The following SLCO5A1 variants were observed in gnomAD, a reference collection of about 807,000 sequenced individuals.
SLCO5A1 encodes the protein organic anion transporter polypeptide-related protein 4.
In SLCO5A1, 39 loss-of-function variants were observed where a neutral mutation model predicts 65.1. That is an observed-to-expected ratio of 0.60 (90% CI 0.46 to 0.78). SLCO5A1 has a LOEUF of 0.78. SLCO5A1 is among the 30% of genes least tolerant of loss of function. SLCO5A1 has a pLI of 0.00. For synonymous variants in SLCO5A1, 438 were observed against 415.7 expected (o/e 1.05, Z -0.65); for missense variants, 1,029 against 1,069.4 (o/e 0.96, Z 0.53).
At position 69,775,707 on chromosome 8, in the gene SLCO5A1, A is replaced by C. The variant is rs115876367; in HGVS notation, c.908-13832T>G. Among the ~76,000 whole-genome samples, 765 of 152,312 alleles carry C rather than the reference A, an allele frequency of 5.0e-3. 6 individuals are homozygous for C. The highest frequency in any genetic ancestry group is 0.018 in the African/African-American group (735 of 41,572). On this transcript the variant is annotated intron_variant, in intron 2 of 9. Coordinates refer to ENST00000260126, the MANE Select transcript of SLCO5A1 (RefSeq NM_030958.3). The stretch of plus-strand genomic sequence containing the variant: ...AACTCATGAAAAACTTTAACCTCAC[A>C]AGTTATCAAAGAAATAGAAGCTGCA...
chr8:69,697,006 A>T (rs1159907773), intron 6 of SLCO5A1, among the ~76,000 whole-genome samples: 1 of 152,216 alleles, frequency 6.6e-6, no homozygotes, highest in Non-Finnish European at 1.5e-5. Flanking sequence ...CACACAGGCA[A>T]CCAGTCCATA....
In SLCO5A1 at chr8:69,755,532, A is replaced by ATT. The variant is rs1185717189; in HGVS notation, c.1148_1149dup (p.Phe384AsnfsTer13). On this transcript the variant is annotated frameshift_variant, in exon 4 of 10. Coordinates refer to ENST00000260126, the MANE Select transcript of SLCO5A1 (RefSeq NM_030958.3). LOFTEE classifies it high-confidence loss of function. ...TCATCACTAACAGCATCAACAGAAA[A>ATT]TTTTTTCTTTTTCTTTTTCTTGTGT... The ATT allele has an allele frequency of 1.2e-6, 2 of 1,613,872 alleles. No individual in the cohort carries two copies. Among genetic ancestry groups the ATT allele is most frequent in the Non-Finnish European group, 1.7e-6 (2 of 1,179,936 alleles).
chr8:69,817,651 A>C (rs1176809136), intron 2 of SLCO5A1, among the ~76,000 whole-genome samples: 1 of 152,196 alleles, frequency 6.6e-6, no homozygotes, highest in East Asian at 1.9e-4. Context: ...AGGTTAAATG[A>C]GATGATCTCT....
chr8:69,779,222 A>C (rs1455281410), intron 2 of SLCO5A1, among the ~76,000 whole-genome samples: 1 of 152,154 alleles, frequency 6.6e-6, no homozygotes, highest in Non-Finnish European at 1.5e-5. Context: ...ACATTATTTT[A>C]ATTTTCACCC....
intron 2 of SLCO5A1, among the ~76,000 whole-genome samples, chr8:69,765,785 G>A (rs930297516): frequency 1.3e-5 from 2 of 152,092 alleles, no homozygotes; most frequent in African/African-American, 2.4e-5. Context: ...GGTGGAACCA[G>A]GTCCCTTCCT....
chr8:69,793,274 G>A (rs928874147), intron 2 of SLCO5A1, among the ~76,000 whole-genome samples: 20 of 151,958 alleles, frequency 1.3e-4, no homozygotes, highest in African/African-American at 4.6e-4. Context: ...GTGAGCCATT[G>A]TGCTCAGCCA....
At chr8:69,823,237 C>T (rs949958199) in intron 2 of SLCO5A1, among the ~76,000 whole-genome samples, 2 of 152,168 alleles carry the variant, frequency 1.3e-5, no homozygotes, top group African/African-American at 2.4e-5. Flanking sequence ...AATCAGCTAA[C>T]ATCATAAAGA....
chr8:69,685,686 A>G (rs1813972600), intron 6 of SLCO5A1, among the ~76,000 whole-genome samples: 1 of 152,136 alleles, frequency 6.6e-6, no homozygotes, highest in Non-Finnish European at 1.5e-5. Context: ...GGGATCTCTG[A>G]GATTATCTGG....
intron 4 of SLCO5A1, among the ~76,000 whole-genome samples, chr8:69,745,744 C>T (rs1057266986): frequency 6.6e-6 from 1 of 152,000 alleles, no homozygotes; most frequent in African/African-American, 2.4e-5. Context: ...CCAAAATTCA[C>T]AGAATATAAA....
chr8:69,753,863 C>A (rs142552859), intron 4 of SLCO5A1, among the ~76,000 whole-genome samples: 6 of 149,688 alleles, frequency 4.0e-5, no homozygotes, highest in Admixed American at 2.7e-4. Flanking sequence ...AAAAAAAATA[C>A]AAAAATTAGC....
intron 3 of SLCO5A1, among the ~76,000 whole-genome samples, chr8:69,758,102 T>C (rs1264268119): frequency 6.6e-6 from 1 of 152,252 alleles, no homozygotes; most frequent in African/African-American, 2.4e-5. Flanking sequence ...ATGGATGTCA[T>C]AAAACATCTG....
intron 5 of SLCO5A1, 108 bp from the exon 6 acceptor site, chr8:69,705,337 C>A: frequency 1.1e-6 from 1 of 876,096 alleles, no homozygotes; most frequent in Non-Finnish European, 1.8e-6. Flanking sequence ...TCAAAAGTTA[C>A]TATAATCAAT....
intron 2 of SLCO5A1, among the ~76,000 whole-genome samples, chr8:69,804,759 C>T (rs764101768): frequency 6.6e-6 from 1 of 152,156 alleles, no homozygotes; most frequent in African/African-American, 2.4e-5. Context: ...GGAGGCTACC[C>T]ACTCCACCTT....
chr8:69,717,078 C>T (rs1415778946), intron 5 of SLCO5A1, among the ~76,000 whole-genome samples: 1 of 152,108 alleles, frequency 6.6e-6, no homozygotes, highest in Non-Finnish European at 1.5e-5. Flanking sequence ...ATGCCTGGCC[C>T]ATTTTTACTT....
intron 5 of SLCO5A1, among the ~76,000 whole-genome samples, chr8:69,737,069 T>C (rs1012698857): frequency 2.0e-5 from 3 of 152,244 alleles, no homozygotes; most frequent in African/African-American, 7.2e-5. Flanking sequence ...CAGTGTATTC[T>C]TTATAAAAAC....
intron 2 of SLCO5A1, among the ~76,000 whole-genome samples, chr8:69,806,363 G>T (rs185893809): frequency 6.6e-6 from 1 of 152,206 alleles, no homozygotes; most frequent in East Asian, 1.9e-4. Context: ...CTTGTTTATT[G>T]TTTGTCTTCA....
intron 6 of SLCO5A1, chr8:69,700,256 C>T (rs1246545528): frequency 6.6e-6 from 1 of 152,184 alleles, no homozygotes; most frequent in Non-Finnish European, 1.5e-5. Context: ...TGACACCTGC[C>T]ACCGCATTGA....
At chr8:69,753,285 T>C (rs778042410) in intron 4 of SLCO5A1, among the ~76,000 whole-genome samples, 12 of 152,090 alleles carry the variant, frequency 7.9e-5, no homozygotes, top group Admixed American at 1.3e-4. Context: ...GGAGCTGCGG[T>C]GTTCATCCAG....
intron 2 of SLCO5A1, among the ~76,000 whole-genome samples, chr8:69,792,697 T>A (rs1420688453): frequency 6.6e-6 from 1 of 152,096 alleles, no homozygotes; most frequent in Non-Finnish European, 1.5e-5. Flanking sequence ...TAAGACTTGA[T>A]AAGTTATTAG....
Sources: allele counts gnomAD v4.1 joint callset (sites outside exome capture counted in the v4.1 genomes callset), GRCh38; gene constraint gnomAD v4.1.1; transcripts MANE v1.5; gene names NCBI Gene and HGNC (gene_info 2026-07-23, HGNC 2026-07-21).